BFSP2: variants seen among roughly 807,000 people sequenced by gnomAD.
The protein encoded by BFSP2 is beaded filament structural protein 2.
BFSP2 carries 38 observed loss-of-function variants against 44.9 expected under a neutral mutation model. The ratio of observed to expected loss-of-function variants is 0.85; its 90% CI spans 0.65 to 1.11. The LOEUF (loss-of-function observed/expected upper bound fraction) is 1.11. BFSP2 is among the 50% of genes least tolerant of loss of function. The pLI is 0.00. For missense variants in BFSP2, 525 were observed against 533.0 expected (o/e 0.99, Z 0.15); for synonymous variants, 197 against 209.9 (o/e 0.94, Z 0.53).
intron 2 of BFSP2, among the ~76,000 whole-genome samples, 163 bp from the exon 3 acceptor site, chr3:133,448,326 A>G (rs1250761471): frequency 6.6e-6 from 1 of 152,180 alleles, no homozygotes; most frequent in South Asian, 2.1e-4. Flanking sequence ...TAATAAATCA[A>G]TGTGTGACAA....
chr3:133,414,041 TCCCCTACTCACC>T (rs2073480944), intron 1 of BFSP2, among the ~76,000 whole-genome samples: 1 of 98,546 alleles, frequency 1.0e-5, no homozygotes, highest in Admixed American at 9.6e-5. Context: ...CTGCCCTCTC[TCCCCTACTCACC>T]CCTCTACTCA....
At chr3:133,425,745 T>C (rs1576569562) in intron 1 of BFSP2, among the ~76,000 whole-genome samples, 2 of 129,076 alleles carry the variant, frequency 1.5e-5, no homozygotes, top group East Asian at 2.2e-4. Flanking sequence ...CCAGTTGAAA[T>C]CTAAGCAGGA....
chr3:133,459,368 T>G (rs892250101), intron 4 of BFSP2, among the ~76,000 whole-genome samples: 2 of 152,130 alleles, frequency 1.3e-5, no homozygotes, highest in African/African-American at 4.8e-5. Context: ...GAAAAATCTA[T>G]TTTTCTCTTT....
chr3:133,418,731 T>A (rs1289214620), intron 1 of BFSP2, among the ~76,000 whole-genome samples: 2 of 152,162 alleles, frequency 1.3e-5, no homozygotes, highest in South Asian at 2.1e-4. Flanking sequence ...CCTAACAAAA[T>A]CATGTTCCTT....
At chr3:133,422,281 TCA>T (rs964993200) in intron 1 of BFSP2, among the ~76,000 whole-genome samples, 2 of 152,120 alleles carry the variant, frequency 1.3e-5, no homozygotes, top group African/African-American at 4.8e-5. Context: ...TCTCTCAGCC[TCA>T]GTTTTCTTAA....
intron 1 of BFSP2, among the ~76,000 whole-genome samples, chr3:133,429,907 A>G (rs1459345700): frequency 6.8e-6 from 1 of 147,530 alleles, no homozygotes; most frequent in Admixed American, 6.7e-5. Context: ...CCTCCCCACT[A>G]CCCCCACCCC....
intron 1 of BFSP2, among the ~76,000 whole-genome samples, chr3:133,417,932 TCACCCG>T (rs2107891486): frequency 7.4e-6 from 1 of 135,330 alleles, no homozygotes; most frequent in South Asian, 2.8e-4. Context: ...TCCCCTCTAC[TCACCCG>T]TCCTCTCCCC....
rs545478541 is a variant in BFSP2, at chr3:133,405,879, G to T, written c.489+5307G>T. ...TTGGAAGAAATATTTTGATGGGAGA[G>T]GGGGAGAAGGAGGCATGAGCCTGCT... On this transcript the variant is annotated intron_variant, in intron 1 of 6. Transcript: ENST00000302334. Among the ~76,000 whole-genome samples the T allele has an allele frequency of 7.2e-5, 11 of 152,312 alleles. No individual in the cohort carries two copies. In the South Asian group the frequency reaches 2.1e-3, roughly 29 times the overall value.
intron 4 of BFSP2, 70 bp downstream of exon 4, chr3:133,450,534 T>C: frequency 1.9e-6 from 3 of 1,563,418 alleles, no homozygotes; most frequent in Non-Finnish European, 2.6e-6. Flanking sequence ...TGCAAACTAG[T>C]CAATGTGCAG....
At chr3:133,426,903 G>A (rs926253590) in intron 1 of BFSP2, among the ~76,000 whole-genome samples, 3 of 152,216 alleles carry the variant, frequency 2.0e-5, no homozygotes, top group Non-Finnish European at 4.4e-5. Context: ...AAGTGGTGAT[G>A]ACATAGCTTC....
chr3:133,472,537 C>T lies in BFSP2; in HGVS notation c.1216C>T (p.His406Tyr). The change falls in exon 6 of 7, where the codon CAC becomes TAC. Residue 406 changes from histidine (H) to tyrosine (Y), a missense_variant. Transcript: ENST00000302334. ...CQLQKDVASYHALLDREESG is the reference protein window; with the variant it reads ...CQLQKDVASYYALLDREESG ...GCTGCAGAAGGACGTGGCGTCCTAC[C>T]ACGCCCTGCTGGACAGGGAGGAGAG... The T allele has an allele frequency of 1.2e-6, 2 of 1,612,392 alleles. No homozygotes were observed. Among genetic ancestry groups the T allele is most frequent in the Non-Finnish European group, 1.7e-6 (2 of 1,179,958 alleles).
chr3:133,405,205 C>T (rs78073002), intron 1 of BFSP2, among the ~76,000 whole-genome samples: 11,989 of 152,182 alleles, frequency 0.079, 555 homozygotes, highest in South Asian at 0.13. Flanking sequence ...GAAAGGGGAG[C>T]GCAGAGGTTC....
intron 1 of BFSP2, chr3:133,410,339 G>A (rs903332682): frequency 3.9e-4 from 137 of 351,114 alleles, no homozygotes; most frequent in African/African-American, 2.7e-3. Context: ...ACTAACAGTC[G>A]TGGCCAGAGA....
At chr3:133,473,926 T>G (rs1487639093) in intron 6 of BFSP2, among the ~76,000 whole-genome samples, 1 of 152,202 alleles carries the variant, frequency 6.6e-6, no homozygotes, top group Non-Finnish European at 1.5e-5. Context: ...GTCCCTTATA[T>G]CTCATTGGCC....
intron 3 of BFSP2, chr3:133,449,115 A>G (rs2073932413): frequency 6.0e-6 from 1 of 166,972 alleles, no homozygotes; most frequent in Admixed American, 5.6e-5. Context: ...GTTCCCTGCG[A>G]GACTTCAGCA....
At chr3:133,424,041 T>G (rs945328010) in intron 1 of BFSP2, among the ~76,000 whole-genome samples, 10 of 148,274 alleles carry the variant, frequency 6.7e-5, no homozygotes, top group Non-Finnish European at 1.5e-4. Flanking sequence ...CTCTTCTGCT[T>G]TTTTTTTTTG....
intron 1 of BFSP2, among the ~76,000 whole-genome samples, chr3:133,408,491 T>C (rs1037534570): frequency 2.0e-5 from 3 of 152,260 alleles, no homozygotes; most frequent in African/African-American, 7.2e-5. Flanking sequence ...TATACATAAT[T>C]TGACCCAGCA....
intron 1 of BFSP2, among the ~76,000 whole-genome samples, chr3:133,422,491 C>T (rs2073602119): frequency 6.6e-6 from 1 of 152,158 alleles, no homozygotes; most frequent in Non-Finnish European, 1.5e-5. Flanking sequence ...TCTGAGGCTC[C>T]TCATCTGTAA....
At chr3:133,424,941 G>T (rs2073630215) in intron 1 of BFSP2, among the ~76,000 whole-genome samples, 1 of 152,204 alleles carries the variant, frequency 6.6e-6, no homozygotes, top group African/African-American at 2.4e-5. Flanking sequence ...GCCTGGTTCT[G>T]ATCCCTTTGA....
Sources: gnomAD v4.1 joint callset for allele counts (sites outside exome capture counted in the v4.1 genomes callset) on GRCh38, gnomAD v4.1.1 for gene constraint, MANE v1.5 for transcripts, NCBI Gene and HGNC (gene_info 2026-07-23, HGNC 2026-07-21) for gene names.